CHST5: variants seen among roughly 807,000 people sequenced by gnomAD.
CHST5 encodes the protein GST4-alpha.
For missense variants in CHST5, 637 were observed against 602.1 expected (o/e 1.06, Z -0.61); for synonymous variants, 313 against 279.2 (o/e 1.12, Z -1.21).
Position 75,530,253 on chromosome 16 carries a change from C to G in CHST5, c.132G>C (p.Leu44=), listed in dbSNP as rs761034335. Reference sequence around the variant, plus strand: ...GCCCTGGCCGGGAGATGATGAAGAGCAGGAGGCAGGTGGTCTGTGCCAGGA... The same window carrying G: ...GCCCTGGCCGGGAGATGATGAAGAGGAGGAGGCAGGTGGTCTGTGCCAGGA... ...VLLLAQTTCL[L]LFIISRPGPS... The change falls in exon 4 of 4, where the codon CTG becomes CTC. Residue 44 remains leucine (L), a synonymous_variant. Coordinates refer to ENST00000336257, the MANE Select transcript of CHST5 (RefSeq NM_024533.5). 2 of 1,613,450 alleles carry G rather than the reference C, an allele frequency of 1.2e-6. No homozygotes were observed. Among genetic ancestry groups the G allele is most frequent in the South Asian group, 2.2e-5 (2 of 91,052 alleles).
chr16:75,533,599 C>T (rs757301859), intron 2 of CHST5, among the ~76,000 whole-genome samples: 2 of 152,086 alleles, frequency 1.3e-5, no homozygotes, highest in South Asian at 4.1e-4. Flanking sequence ...ACAGGTCACA[C>T]GAAATTAAAA....
chr16:75,529,909 G>A lies in CHST5; in HGVS notation c.476C>T (p.Ala159Val). 2 of 1,613,430 alleles carry A rather than the reference G, an allele frequency of 1.2e-6. No homozygotes were observed. Residue 159 changes from alanine to valine, a missense_variant, in exon 4 of 4, where the codon GCC (alanine) becomes GTC (valine). Coordinates refer to ENST00000336257, the MANE Select transcript of CHST5 (RefSeq NM_024533.5). The stretch of plus-strand genomic sequence containing the variant: ...CTTGCTGATGGTGCCTCGGGGAAAG[G>A]CGCTGCAGGCGGGCGGCGAGCACAG... ...RALCSPPACS[A>V]FPRGTISKQD...
chr16:75,532,878 G>T (rs186619958), intron 3 of CHST5, among the ~76,000 whole-genome samples: 2 of 152,298 alleles, frequency 1.3e-5, no homozygotes, highest in East Asian at 3.9e-4. Context: ...AAGACTCAAG[G>T]CTTAGAGAGA....
chr16:75,534,946 A>G (rs2080550808), intron 2 of CHST5, among the ~76,000 whole-genome samples, 181 bp downstream of exon 2: 1 of 152,152 alleles, frequency 6.6e-6, no homozygotes. Flanking sequence ...ACACTTCCAA[A>G]CCAGCGCTAG....
chr16:75,530,137 C>G lies in CHST5; in HGVS notation c.248G>C (p.Ser83Thr). The change falls in exon 4 of 4, where the codon AGC becomes ACC. Residue 83 changes from serine to threonine, a missense_variant. Coordinates refer to ENST00000336257, the MANE Select transcript of CHST5 (RefSeq NM_024533.5). ...CAGGTAGAAGACGTCGGGGTGCTGG[C>G]TGAAGAGCTGGCCCAAGAAGGATGA... is the stretch of plus-strand genomic sequence containing the variant. ...SGSSFLGQLF[S>T]QHPDVFYLME... 6.2e-7 allele frequency: 1 copy of G among 1,613,570 alleles called. No individual in the cohort carries two copies. Among genetic ancestry groups the G allele is most frequent in the Non-Finnish European group, 8.5e-7 (1 of 1,179,996 alleles).
Position 75,530,469 on chromosome 16 carries a change from A to C in CHST5, c.-85T>G, listed in dbSNP as rs963573258. The stretch of plus-strand genomic sequence containing the variant: ...ACCCATTGGACTTCCCAAGACTCCC[A>C]AGGTCTCAGTCGAGCACTTTCCCAG... On this transcript the variant is annotated 5_prime_UTR_variant, in exon 4 of 4. Coordinates refer to ENST00000336257, the MANE Select transcript of CHST5 (RefSeq NM_024533.5). 1.4e-6 allele frequency: 2 copies of C among 1,454,648 alleles called. No homozygotes were observed. Among genetic ancestry groups the C allele is most frequent in the Non-Finnish European group, 1.8e-6 (2 of 1,101,914 alleles). 90.1% of individuals were successfully genotyped at this position (1,454,648 alleles called of 1,614,324 possible). A position where few individuals can be genotyped will look rare whatever the true frequency, so the allele number is the denominator to read the frequency against.
In CHST5 at chr16:75,529,423, A is replaced by G. The variant is rs763227633; in HGVS notation, c.962T>C (p.Leu321Pro). 1 of 1,612,970 alleles carries G rather than the reference A, an allele frequency of 6.2e-7. No individual in the cohort carries two copies. Among genetic ancestry groups the G allele is most frequent in the East Asian group, 2.2e-5 (1 of 44,878 alleles). The change falls in exon 4 of 4, where the codon CTC becomes CCC. Residue 321 changes from leucine (L) to proline (P), a missense_variant. By Grantham distance (98) the Leu-to-Pro change is moderately conservative (BLOSUM62 -3). Transcript: ENST00000336257. ...GGTGATGTTGTGGATCCAGGCCTCG[A>G]GCTGTGGCGTGAGGGTCAGGCCGGT... The part of the protein sequence containing the change: ...AFTGLTLTPQ[L>P]EAWIHNITHG...
chr16:75,534,874 C>A (rs1186767065), intron 2 of CHST5, among the ~76,000 whole-genome samples: 2 of 152,200 alleles, frequency 1.3e-5, no homozygotes, highest in Non-Finnish European at 2.9e-5. Flanking sequence ...GAATAAGAAC[C>A]CGCACCCCGA....
At position 75,531,036 on chromosome 16, in the gene CHST5, T is replaced by C. The variant is rs2080515100; in HGVS notation, c.-652A>G. On this transcript the variant is annotated 5_prime_UTR_variant, in exon 4 of 4. Coordinates refer to ENST00000336257, the MANE Select transcript of CHST5 (RefSeq NM_024533.5). ...TTTTTAACAGGCAGGTATAAAACTT[T>C]TGTCAGCCAGGCGCGGTGGCTCACG... The C allele has an allele frequency of 1.0e-6, 1 of 1,000,978 alleles. No homozygotes were observed. The highest frequency in any genetic ancestry group is 1.7e-5 in the African/African-American group (1 of 57,180). 62.0% of individuals were successfully genotyped at this position (1,000,978 alleles called of 1,614,324 possible).
In CHST5 at chr16:75,528,836, C is replaced by T. The variant is rs949627087; in HGVS notation, c.*313G>A. ...ATGCTGGGATTACAGGCATGAGCCACCGCACCCGGCCTGGCACACATTTAA... is the reference window on the plus strand; with the variant it reads ...ATGCTGGGATTACAGGCATGAGCCATCGCACCCGGCCTGGCACACATTTAA... On this transcript the variant is annotated 3_prime_UTR_variant, in exon 4 of 4. Transcript: ENST00000336257. 3.4e-5 allele frequency: 8 copies of T among 238,386 alleles called. No homozygotes were observed. In the South Asian group the frequency reaches 8.1e-4, roughly 24 times the overall value. The allele number at this position is 238,386 out of a possible 1,614,324, so 14.8% of individuals were successfully genotyped here.
chr16:75,529,102 T>G lies in CHST5; in HGVS notation c.*47A>C. ...CCCTCTCCACCATGCAGTCGCCTCC[T>G]GGGCCTGGCGACCACAGTTCGGGGC... On this transcript the variant is annotated 3_prime_UTR_variant, in exon 4 of 4. Transcript: ENST00000336257. 6.6e-7 allele frequency: 1 copy of G among 1,511,172 alleles called. No homozygotes were observed. The highest frequency in any genetic ancestry group is 1.3e-5 in the South Asian group (1 of 74,380). 93.6% of individuals were successfully genotyped at this position (1,511,172 alleles called of 1,614,324 possible).
At position 75,529,483 on chromosome 16, in the gene CHST5, T is replaced by C. The variant is rs1024136507; in HGVS notation, c.902A>G (p.Glu301Gly). 8 of 1,611,904 alleles carry C rather than the reference T, an allele frequency of 5.0e-6. No individual in the cohort carries two copies. The African/African-American group carries it at 1.1e-4, about 22-fold the overall frequency. ...RLVRFEDLAR[E>G]PLAEIRALYA... ...GAGTGCGCGGATCTCTGCCAGCGGC[T>C]CCCGCGCCAGGTCCTCGAAGCGCAC... The change falls in exon 4 of 4, where the codon GAG becomes GGG. Residue 301 changes from glutamate to glycine, a missense_variant. Physicochemically the swap from Glu to Gly is moderately conservative, Grantham distance 98. Coordinates refer to ENST00000336257, the MANE Select transcript of CHST5 (RefSeq NM_024533.5).
In CHST5 at chr16:75,533,150, G is replaced by A. The variant is rs1731806611; in HGVS notation, c.-1318C>T. 2 of 702,296 alleles carry A rather than the reference G, an allele frequency of 2.8e-6. No homozygotes were observed. The highest frequency in any genetic ancestry group is 3.5e-5 in the African/African-American group (2 of 57,272). The allele number at this position is 702,296 out of a possible 1,614,324, so 43.5% of individuals were successfully genotyped here. A position where few individuals can be genotyped will look rare whatever the true frequency, so the allele number is the denominator to read the frequency against. ...GTTGAATCACTCTATGCCACACAGA[G>A]TCTCCAGAAGACCAGTTCCTCACTG... On this transcript the variant is annotated 5_prime_UTR_variant, in exon 3 of 4. Coordinates refer to ENST00000336257, the MANE Select transcript of CHST5 (RefSeq NM_024533.5).
rs71394224 is a variant in CHST5 at position 75,529,020 on chromosome 16, G to C, written c.*129C>G. The C allele has an allele frequency of 5.4e-5, 54 of 1,000,618 alleles. No homozygotes were observed. The highest frequency in any genetic ancestry group is 3.6e-5 in the Non-Finnish European group (25 of 701,040). 62.0% of individuals were successfully genotyped at this position (1,000,618 alleles called of 1,614,324 possible). On this transcript the variant is annotated 3_prime_UTR_variant, in exon 4 of 4. Coordinates refer to ENST00000336257, the MANE Select transcript of CHST5 (RefSeq NM_024533.5). The stretch of plus-strand genomic sequence containing the variant: ...ACGTGCAGTCCTTGCCTACTTCAGG[G>C]GAGGACCCCAAACTCCCGGTTGATA...
Position 75,530,652 on chromosome 16 carries a change from T to C in CHST5, c.-268A>G. ...CTATCTGTAGAGAGAAATACTATGT[T>C]TCAAAGAGAACTCCTGTCTTTTGCT... is the stretch of plus-strand genomic sequence containing the variant. On this transcript the variant is annotated 5_prime_UTR_variant, in exon 4 of 4. Coordinates refer to ENST00000336257, the MANE Select transcript of CHST5 (RefSeq NM_024533.5). 1 of 1,316,290 alleles carries C rather than the reference T, an allele frequency of 7.6e-7. No individual in the cohort carries two copies. Among genetic ancestry groups the C allele is most frequent in the Non-Finnish European group, 9.7e-7 (1 of 1,026,732 alleles). 81.5% of individuals were successfully genotyped at this position (1,316,290 alleles called of 1,614,324 possible). A position where few individuals can be genotyped will look rare whatever the true frequency, so the allele number is the denominator to read the frequency against.
rs780876507 is a variant in CHST5, at chr16:75,529,549, G to A, written c.836C>T (p.Thr279Ile). Residue 279 changes from threonine (T) to isoleucine (I), a missense_variant, in exon 4 of 4, where the codon ACA becomes ATA. Coordinates refer to ENST00000336257, the MANE Select transcript of CHST5 (RefSeq NM_024533.5). ...RSHVRIAEAA[T>I]LKPPPFLRGR... ...GCGCAGGAAGGGTGGCGGCTTGAGT[G>A]TGGCGGCCTCGGCGATGCGCACGTG... 1.2e-6 allele frequency: 2 copies of A among 1,609,548 alleles called. No individual in the cohort carries two copies. Among genetic ancestry groups the A allele is most frequent in the Non-Finnish European group, 1.7e-6 (2 of 1,179,110 alleles).
At chr16:75,534,947 C>T (rs1212333521) in intron 2 of CHST5, among the ~76,000 whole-genome samples, 180 bp downstream of exon 2, 3 of 152,212 alleles carry the variant, frequency 2.0e-5, no homozygotes, top group Admixed American at 2.0e-4. Context: ...CACTTCCAAA[C>T]CAGCGCTAGC....
rs370791209 is a variant in CHST5 at position 75,531,320 on chromosome 16, C to CA, written c.-937dup. 231,357 of 723,040 alleles carry CA rather than the reference C, an allele frequency of 0.32. 5,857 individuals are homozygous for CA. The highest frequency in any genetic ancestry group is 0.7 in the East Asian group (4,792 of 6,826). 44.8% of individuals were successfully genotyped at this position (723,040 alleles called of 1,614,324 possible). On this transcript the variant is annotated 5_prime_UTR_variant, in exon 4 of 4. The change abolishes the stop of an existing upstream ORF in the 5' untranslated region. Transcript: ENST00000336257. ...CTGAGTGAAGAGTGAGACTCCGTTT[C>CA]AAAAAAAAAAAAAAAAACAACAAAA...
At position 75,529,790 on chromosome 16, in the gene CHST5, G is replaced by A. The variant is rs147059773; in HGVS notation, c.595C>T (p.Arg199Cys). ...SYSHVVLKEV[R>C]FFNLQVLYPL... ...TAGAGCACCTGCAGGTTGAAGAAGCGCACCTCCTTGAGCACCACGTGGCTG... is the reference window on the plus strand; with the variant it reads ...TAGAGCACCTGCAGGTTGAAGAAGCACACCTCCTTGAGCACCACGTGGCTG... The change falls in exon 4 of 4, where the codon CGC becomes TGC. Residue 199 changes from arginine to cysteine, a missense_variant. Coordinates refer to ENST00000336257, the MANE Select transcript of CHST5 (RefSeq NM_024533.5). The A allele has an allele frequency of 1.7e-5, 28 of 1,613,678 alleles. No individual in the cohort carries two copies. The African/African-American group carries it at 3.1e-4, about 18-fold the overall frequency.
Sources: allele counts gnomAD v4.1 joint callset (sites outside exome capture counted in the v4.1 genomes callset), GRCh38; gene constraint gnomAD v4.1.1; transcripts MANE v1.5; gene names NCBI Gene and HGNC (gene_info 2026-07-23, HGNC 2026-07-21).